CDH4: variants seen among roughly 807,000 people sequenced by gnomAD.
CDH4 encodes the protein cadherin 4.
Under a neutral mutation model 86.0 loss-of-function variants are expected in CDH4, and 33 were observed. That is an observed-to-expected ratio of 0.38 (90% CI 0.29 to 0.51). The LOEUF (loss-of-function observed/expected upper bound fraction) is 0.51, where lower values mean the gene tolerates loss of function less well. CDH4 is among the 20% of genes least tolerant of loss of function. The pLI is 0.86. For synonymous variants in CDH4, 555 were observed against 549.4 expected (o/e 1.01, Z -0.14); for missense variants, 1,114 against 1,307.4 (o/e 0.85, Z 2.28).
At chr20:61,312,633 G>A (rs1428555635) in intron 2 of CDH4, among the ~76,000 whole-genome samples, 1 of 152,116 alleles carries the variant, frequency 6.6e-6, no homozygotes, top group Non-Finnish European at 1.5e-5. Context: ...GGCCCTCCTC[G>A]TGAGACCCTA....
chr20:61,494,439 TAAC>T (rs1237801507), intron 2 of CDH4, among the ~76,000 whole-genome samples: 1 of 152,242 alleles, frequency 6.6e-6, no homozygotes, highest in East Asian at 1.9e-4. Flanking sequence ...TTTCAGTACT[TAAC>T]AAACAACTCA....
intron 2 of CDH4, among the ~76,000 whole-genome samples, chr20:61,449,925 C>G (rs1400163204): frequency 2.6e-5 from 4 of 152,194 alleles, no homozygotes; most frequent in Non-Finnish European, 5.9e-5. Context: ...ATCCTATCAT[C>G]AGATGGGTAA....
chr20:61,892,917 G>T (rs1475676290), intron 7 of CDH4, among the ~76,000 whole-genome samples: 1 of 151,474 alleles, frequency 6.6e-6, no homozygotes, highest in East Asian at 2.0e-4. Context: ...AGGGAGGGAG[G>T]GATGGTGTAT....
intron 4 of CDH4, among the ~76,000 whole-genome samples, chr20:61,800,974 C>T (rs2146031556): frequency 6.6e-6 from 1 of 152,296 alleles, no homozygotes; most frequent in South Asian, 2.1e-4. Flanking sequence ...TCCTGGGACC[C>T]TCCAAGCATC....
intron 2 of CDH4, among the ~76,000 whole-genome samples, chr20:61,401,113 G>A (rs774738133): frequency 2.6e-5 from 4 of 152,180 alleles, no homozygotes; most frequent in Non-Finnish European, 5.9e-5. Context: ...TCATCACTGG[G>A]CAGACGTACT....
At chr20:61,673,071 G>T (rs147399907) in intron 2 of CDH4, among the ~76,000 whole-genome samples, 113 of 152,298 alleles carry the variant, frequency 7.4e-4, no homozygotes, top group African/African-American at 2.5e-3. Context: ...ATGAAGGCAG[G>T]ACCAGGAGTG....
intron 2 of CDH4, among the ~76,000 whole-genome samples, chr20:61,311,633 A>G (rs2084446157): frequency 6.6e-6 from 1 of 152,220 alleles, no homozygotes; most frequent in Non-Finnish European, 1.5e-5. Flanking sequence ...TGTTTGTGTT[A>G]ATTTTCTTTT....
rs1981499181 is a variant in CDH4 at position 61,829,640 on chromosome 20, A to G, written c.577-15028A>G. On this transcript the variant is annotated intron_variant, in intron 4 of 15. Coordinates refer to ENST00000614565, the MANE Select transcript of CDH4 (RefSeq NM_001794.5). The surrounding 1 kb of genome is among the most constrained non-coding windows in gnomAD (Gnocchi z 4.2). ...CCTGGCGAGTGGGGGCTCCTCTGCCAAGCATTAAATACGGACTCACCACTG... is the reference window on the plus strand; with the variant it reads ...CCTGGCGAGTGGGGGCTCCTCTGCCGAGCATTAAATACGGACTCACCACTG... Among the ~76,000 whole-genome samples the G allele has an allele frequency of 6.6e-6, 1 of 152,112 alleles. No individual in the cohort carries two copies. Among genetic ancestry groups the G allele is most frequent in the Non-Finnish European group, 1.5e-5 (1 of 68,004 alleles).
At chr20:61,322,152 T>C (rs1307291786) in intron 2 of CDH4, among the ~76,000 whole-genome samples, 1 of 152,178 alleles carries the variant, frequency 6.6e-6, no homozygotes, top group African/African-American at 2.4e-5. Flanking sequence ...ATTTATTCAT[T>C]CAGTGCAATG....
At chr20:61,479,608 A>T (rs988642230) in intron 2 of CDH4, among the ~76,000 whole-genome samples, 1 of 152,224 alleles carries the variant, frequency 6.6e-6, no homozygotes, top group African/African-American at 2.4e-5. Context: ...TATACCATGG[A>T]ATACTATGCA....
chr20:61,832,832 C>A (rs769118263), intron 4 of CDH4, among the ~76,000 whole-genome samples: 4 of 152,200 alleles, frequency 2.6e-5, no homozygotes, highest in Non-Finnish European at 5.9e-5. Flanking sequence ...GTTAGGGAAG[C>A]ATCCGTTGTC....
chr20:61,863,273 C>A (rs1366664927), intron 6 of CDH4, among the ~76,000 whole-genome samples: 1 of 152,236 alleles, frequency 6.6e-6, no homozygotes, highest in Non-Finnish European at 1.5e-5. Flanking sequence ...CGAGGCTGTT[C>A]CTCACCTGCA....
intron 9 of CDH4, among the ~76,000 whole-genome samples, chr20:61,917,672 G>A (rs1354087205): frequency 1.3e-5 from 2 of 152,248 alleles, no homozygotes; most frequent in African/African-American, 4.8e-5. Flanking sequence ...AGCCGGTGCT[G>A]GAGCTGCTGC....
At chr20:61,578,953 A>G (rs2086404931) in intron 2 of CDH4, among the ~76,000 whole-genome samples, 1 of 152,080 alleles carries the variant, frequency 6.6e-6, no homozygotes, top group African/African-American at 2.4e-5. Flanking sequence ...GAAGGAAAGG[A>G]TGCTTTTCTT....
In CDH4 at chr20:61,506,971, A is replaced by T. The variant is rs77548260; in HGVS notation, c.170-236592A>T. On this transcript the variant is annotated intron_variant, in intron 2 of 15. Transcript: ENST00000614565. ...GGCTGTGGATGCCCCAGGCTGCTGGAAGAATTAAAATTACTCGAATCAGTG... is the reference window on the plus strand; with the variant it reads ...GGCTGTGGATGCCCCAGGCTGCTGGTAGAATTAAAATTACTCGAATCAGTG... 7.6e-4 allele frequency among the ~76,000 whole-genome samples: 116 copies of T among 152,350 alleles called. 2 individuals are homozygous for T. The East Asian group carries it at 0.014, about 18-fold the overall frequency.
Position 61,934,053 on chromosome 20 carries a change from C to A in CDH4, c.2380-3C>A, listed in dbSNP as rs375995850. 27 of 1,610,658 alleles carry A rather than the reference C, an allele frequency of 1.7e-5. No individual in the cohort carries two copies. Among genetic ancestry groups the A allele is most frequent in the Non-Finnish European group, 2.0e-5 (24 of 1,179,782 alleles). On this transcript the variant is annotated splice_polypyrimidine_tract_variant and splice_region_variant and intron_variant, in intron 14 of 15. Transcript: ENST00000614565. ...CCTGACTCCTCCCGGCTCCCTCCCC[C>A]AGGACTACGACCTCAGCCAGCTGCA...
At chr20:61,573,772 A>T (rs903214764) in intron 2 of CDH4, among the ~76,000 whole-genome samples, 1 of 152,206 alleles carries the variant, frequency 6.6e-6, no homozygotes, top group Admixed American at 6.5e-5. Context: ...CAGAAATCCC[A>T]TCACATGGCA....
intron 4 of CDH4, among the ~76,000 whole-genome samples, chr20:61,821,447 A>C (rs562571805): frequency 1.4e-5 from 1 of 73,772 alleles, no homozygotes. Context: ...CCCCCACCCC[A>C]GCCCAGATCC....
intron 2 of CDH4, among the ~76,000 whole-genome samples, chr20:61,586,008 G>A (rs2086469920): frequency 6.6e-6 from 1 of 151,350 alleles, no homozygotes; most frequent in East Asian, 1.9e-4. Context: ...TGATGGTGAT[G>A]GTGATTGTGA....
Sources: gnomAD v4.1 joint callset for allele counts (sites outside exome capture counted in the v4.1 genomes callset) on GRCh38, gnomAD v4.1.1 for gene constraint, Gnocchi (gnomAD v3.1) non-coding constraint, MANE v1.5 for transcripts, NCBI Gene and HGNC (gene_info 2026-07-23, HGNC 2026-07-21) for gene names.